MAP3K4: variants seen among roughly 807,000 people sequenced by gnomAD.
The protein encoded by MAP3K4 is MAP three kinase 1.
MAP3K4 carries 67 observed loss-of-function variants against 185.6 expected under a neutral mutation model. The ratio of observed to expected loss-of-function variants is 0.36; its 90% CI spans 0.30 to 0.44. MAP3K4 has a LOEUF of 0.44. Among genes scored for constraint, MAP3K4 ranks in the 20% least tolerant of loss-of-function variants. MAP3K4 has a pLI of 1.00. For synonymous variants in MAP3K4, 702 were observed against 710.4 expected (o/e 0.99, Z 0.19); for missense variants, 1,551 against 1,995.1 (o/e 0.78, Z 4.24).
intron 1 of MAP3K4, among the ~76,000 whole-genome samples, chr6:161,012,360 C>G (rs1781889930): frequency 6.6e-6 from 1 of 152,032 alleles, no homozygotes; most frequent in African/African-American, 2.4e-5. Context: ...GGGAATATTC[C>G]CGTACTCCCC....
chr6:161,115,297 G>A lies in MAP3K4; in HGVS notation c.4801G>A (p.Val1601Ile), dbSNP rs1341834990. 9.3e-6 allele frequency: 15 copies of A among 1,611,952 alleles called. No homozygotes were observed. In the East Asian group the frequency reaches 2.9e-4, roughly 31 times the overall value. ...CAGCCAGCTCCTCGACCATTCGTTT[G>A]TCAAGGTTTGGCAGATTACTGGATA... ...TASQLLDHSF[V>I]KVCTDEE Residue 1601 changes from valine (V) to isoleucine (I), a missense_variant, in exon 26 of 27, where the codon GTC (valine) becomes ATC (isoleucine). Transcript: ENST00000392142. The surrounding 1 kb of genome is among the most constrained non-coding windows in gnomAD (Gnocchi z 6.0).
At chr6:161,047,856 T>G (rs1165061147) in intron 2 of MAP3K4, among the ~76,000 whole-genome samples, 1 of 152,210 alleles carries the variant, frequency 6.6e-6, no homozygotes, top group East Asian at 1.9e-4. Flanking sequence ...ATAGAACCTC[T>G]TCTAGATGTT....
At chr6:161,020,664 A>AAG (rs1366892304) in intron 1 of MAP3K4, among the ~76,000 whole-genome samples, 3 of 151,198 alleles carry the variant, frequency 2.0e-5, no homozygotes, top group African/African-American at 7.3e-5. Flanking sequence ...TCTAAAAAAA[A>AAG]AAAAAAAAAA....
At chr6:161,028,648 C>T (rs1782782715) in intron 1 of MAP3K4, among the ~76,000 whole-genome samples, 1 of 151,654 alleles carries the variant, frequency 6.6e-6, no homozygotes, top group Non-Finnish European at 1.5e-5. Flanking sequence ...TATTCATTTC[C>T]ATAGGAAATC....
intron 1 of MAP3K4, among the ~76,000 whole-genome samples, chr6:161,011,615 C>T (rs983869240): frequency 2.8e-4 from 43 of 152,282 alleles, no homozygotes; most frequent in Middle Eastern, 3.4e-3. Context: ...GAAAGTTCAA[C>T]GCCAGAACTG....
chr6:161,076,925 A>G lies in MAP3K4; in HGVS notation c.2097+3313A>G, dbSNP rs1352514670. On this transcript the variant is annotated intron_variant, in intron 5 of 26. Transcript: ENST00000392142. This position sits in a 1 kb window ranked among gnomAD's most constrained non-coding sequence, Gnocchi z 4.2. ...ATGGTGATTGTAGAACCATGTGAAC[A>G]AGACTACAGCTGAGAAAAATGCCCT... Among the ~76,000 whole-genome samples the G allele has an allele frequency of 6.6e-6, 1 of 152,208 alleles. No individual in the cohort carries two copies. The highest frequency in any genetic ancestry group is 1.5e-5 in the Non-Finnish European group (1 of 68,046).
chr6:161,062,277 C>T (rs576895745), intron 3 of MAP3K4, among the ~76,000 whole-genome samples: 1 of 151,746 alleles, frequency 6.6e-6, no homozygotes, highest in African/African-American at 2.4e-5. Context: ...TTTCATATGC[C>T]CTTTCTTTTC....
chr6:160,992,053 A>T lies in MAP3K4; in HGVS notation c.122A>T (p.Glu41Val). Residue 41 changes from glutamate to valine, a missense_variant, in exon 1 of 27, where the codon GAG becomes GTG. This residue lies in a region of MAP3K4 where 287 missense variants were observed against 268.8 expected (regional missense o/e 1.07). Transcript: ENST00000392142. ...CCACCGCCACCGGAACCCGAGACCG[A>T]GTCAGAACCCGAGTGCTGCTTGGCG... ...PPPPPPEPET[E>V]SEPECCLAAR... 1 of 1,584,946 alleles carries T rather than the reference A, an allele frequency of 6.3e-7. No individual in the cohort carries two copies. The highest frequency in any genetic ancestry group is 1.1e-5 in the South Asian group (1 of 88,148).
At position 161,073,732 on chromosome 6, in the gene MAP3K4, G is replaced by A. The variant is rs1785051181; in HGVS notation, c.2097+120G>A. On this transcript the variant is annotated intron_variant, in intron 5 of 26. Transcript: ENST00000392142. This position sits in a 1 kb window ranked among gnomAD's most constrained non-coding sequence, Gnocchi z 4.2. ...ATACATATTCAGATAAACTTCTCTA[G>A]TAATGAATTATAGAAATGATCCCTG... The A allele has an allele frequency of 9.9e-7, 1 of 1,010,214 alleles. No individual in the cohort carries two copies. The highest frequency in any genetic ancestry group is 1.4e-6 in the Non-Finnish European group (1 of 711,992). 62.6% of individuals were successfully genotyped at this position (1,010,214 alleles called of 1,614,324 possible). A position where few individuals can be genotyped will look rare whatever the true frequency, so the allele number is the denominator to read the frequency against.
chr6:161,085,349 G>A (rs1785657121), intron 7 of MAP3K4, among the ~76,000 whole-genome samples: 1 of 152,112 alleles, frequency 6.6e-6, no homozygotes, highest in Non-Finnish European at 1.5e-5. Flanking sequence ...AAACTTAAGT[G>A]TATGAAACTA....
intron 1 of MAP3K4, among the ~76,000 whole-genome samples, chr6:160,998,200 C>T (rs371099058): frequency 6.6e-6 from 1 of 152,100 alleles, no homozygotes; most frequent in South Asian, 2.1e-4. Context: ...TAGATTTGTC[C>T]CTATTTTTCT....
rs1440703299 is a variant in MAP3K4, at chr6:161,063,176, AAAT to A, written c.1708-7431_1708-7429del. ...AAAATTGATTTGATTTTTGATTAAA[AAAT>A]TAAATTCTGAGTTCTATCACTGAGG... On this transcript the variant is annotated intron_variant, in intron 3 of 26. Transcript: ENST00000392142. This position sits in a 1 kb window ranked among gnomAD's most constrained non-coding sequence, Gnocchi z 5.4. Among the ~76,000 whole-genome samples the A allele has an allele frequency of 1.3e-5, 2 of 152,004 alleles. No homozygotes were observed. Among genetic ancestry groups the A allele is most frequent in the African/African-American group, 4.8e-5 (2 of 41,424 alleles).
At chr6:161,104,597 G>C (rs927397815) in intron 19 of MAP3K4, among the ~76,000 whole-genome samples, 3 of 151,396 alleles carry the variant, frequency 2.0e-5, no homozygotes. Context: ...TGTAGTCCCA[G>C]CTACTTGGGA....
At chr6:161,050,073 A>G (rs1020731274) in intron 3 of MAP3K4, 94 bp downstream of exon 3, 21 of 1,284,992 alleles carry the variant, frequency 1.6e-5, no homozygotes, top group Non-Finnish European at 1.8e-5. Context: ...TCATATTCTA[A>G]TATTTTTGAA....
At chr6:161,058,158 G>C (rs139469754) in intron 3 of MAP3K4, among the ~76,000 whole-genome samples, 8 of 152,378 alleles carry the variant, frequency 5.3e-5, no homozygotes, top group Non-Finnish European at 8.8e-5. Flanking sequence ...GTAAAGCCAT[G>C]TATGCTCTTG....
At chr6:161,062,813 T>A (rs1289311938) in intron 3 of MAP3K4, among the ~76,000 whole-genome samples, 1 of 152,160 alleles carries the variant, frequency 6.6e-6, no homozygotes, top group Non-Finnish European at 1.5e-5. Flanking sequence ...ACAGTGTTGG[T>A]TTTTCCAATT....
rs929144800 is a variant in MAP3K4, at chr6:161,048,330, C to G, written c.344-286C>G. ...GAAATTTGGTTAAATGATTTGATAA[C>G]TATGCTTTGTAGCATAGAGAGAAAT... On this transcript the variant is annotated intron_variant, in intron 2 of 26. Coordinates refer to ENST00000392142, the MANE Select transcript of MAP3K4 (RefSeq NM_005922.4). This position sits in a 1 kb window ranked among gnomAD's most constrained non-coding sequence, Gnocchi z 4.7. The G allele has an allele frequency of 1.6e-6, 1 of 611,134 alleles. No individual in the cohort carries two copies. Among genetic ancestry groups the G allele is most frequent in the Non-Finnish European group, 3.2e-6 (1 of 313,274 alleles). 37.9% of individuals were successfully genotyped at this position (611,134 alleles called of 1,614,324 possible). A position where few individuals can be genotyped will look rare whatever the true frequency, so the allele number is the denominator to read the frequency against.
intron 1 of MAP3K4, 65 bp downstream of exon 1, chr6:160,992,148 C>A (rs536771398): frequency 1.4e-6 from 2 of 1,447,084 alleles, no homozygotes; most frequent in South Asian, 2.9e-5. Flanking sequence ...CGAACTCGGT[C>A]GGGCCCGAGG....
rs1413161159 is a variant in MAP3K4 at position 161,097,697 on chromosome 6, A to T, written c.3524+521A>T. Among the ~76,000 whole-genome samples, 2 of 152,198 alleles carry T rather than the reference A, an allele frequency of 1.3e-5. No homozygotes were observed. The highest frequency in any genetic ancestry group is 6.5e-5 in the Admixed American group (1 of 15,280). ...GGCATTTCTGCATCTTGAGGTAGTG[A>T]GCACCTTCTCTCGCCTGTATAATCA... On this transcript the variant is annotated intron_variant, in intron 16 of 26. Coordinates refer to ENST00000392142, the MANE Select transcript of MAP3K4 (RefSeq NM_005922.4). The surrounding 1 kb of genome is among the most constrained non-coding windows in gnomAD (Gnocchi z 4.9).
Sources: allele counts gnomAD v4.1 joint callset (sites outside exome capture counted in the v4.1 genomes callset), GRCh38; gene constraint gnomAD v4.1.1; regional missense constraint gnomAD v4.1.1; non-coding constraint Gnocchi (gnomAD v3.1); transcripts MANE v1.5; gene names NCBI Gene and HGNC (gene_info 2026-07-23, HGNC 2026-07-21).